The following BSPH1 variants were observed in gnomAD, a reference collection of about 807,000 sequenced individuals.
BSPH1 encodes the protein binder of sperm 1.
In BSPH1, 21 loss-of-function variants were observed where a neutral mutation model predicts 22.5. The ratio of observed to expected loss-of-function variants is 0.93; its 90% confidence interval spans 0.66 to 1.35. BSPH1 has a LOEUF of 1.35. Ranked by LOEUF, BSPH1 falls within the 40% of genes most tolerant of loss-of-function variation. BSPH1 has a pLI of 0.00. For synonymous variants in BSPH1, 42 were observed against 53.6 expected, an observed-to-expected ratio of 0.78 and a Z score of 0.95; for missense variants, 141 against 154.2, an observed-to-expected ratio of 0.91 and a Z score of 0.45.
intron 3 of BSPH1, 35 bp from the exon 4 acceptor site, chr19:47,977,539 T>C: frequency 6.5e-7 from 1 of 1,549,492 alleles, no homozygotes. Context: ...TGTTTCTGGG[T>C]GTGTTAGGAG....
At chr19:47,987,361 C>T (rs1423930420) in intron 1 of BSPH1, among the ~76,000 whole-genome samples, 5 of 151,404 alleles carry the variant, frequency 3.3e-5, no homozygotes, top group East Asian at 1.9e-4. Flanking sequence ...TGTAAGAACA[C>T]GTACTACATG....
chr19:47,991,996 GA>G lies in BSPH1; in HGVS notation c.73+12del. ...TCTACCTTGCATAGGAAGAAATATA[GA>G]AAAAGAAATACTTAAAATAACAGGG... On this transcript the variant is annotated intron_variant, in intron 1 of 5. Coordinates refer to ENST00000344839, the MANE Select transcript of BSPH1 (RefSeq NM_001128326.2). The G allele has an allele frequency of 2.0e-6, 3 of 1,521,504 alleles. No individual in the cohort carries two copies. The highest frequency in any genetic ancestry group is 1.4e-5 in the African/African-American group (1 of 72,458). 94.3% of individuals were successfully genotyped at this position (1,521,504 alleles called of 1,614,324 possible).
chr19:47,976,872 GA>G lies in BSPH1; in HGVS notation c.257-19del. ...TGCAAAATCTGCAGAGGAGGAAGAG[GA>G]AGAAGCAGAGTAAGAAACCTTTCTA... On this transcript the variant is annotated intron_variant, in intron 4 of 5. Coordinates refer to ENST00000344839, the MANE Select transcript of BSPH1 (RefSeq NM_001128326.2). The G allele has an allele frequency of 6.5e-7, 1 of 1,550,352 alleles. No individual in the cohort carries two copies. Among genetic ancestry groups the G allele is most frequent in the Non-Finnish European group, 8.7e-7 (1 of 1,146,448 alleles).
At chr19:47,971,503 G>A (rs1013670721) in intron 5 of BSPH1, among the ~76,000 whole-genome samples, 3 of 152,352 alleles carry the variant, frequency 2.0e-5, no homozygotes, top group Admixed American at 2.0e-4. Flanking sequence ...ACCGCACCCA[G>A]CCTGTATTCT....
At chr19:47,991,916 T>G in intron 1 of BSPH1, 93 bp downstream of exon 1, 1 of 781,536 alleles carries the variant, frequency 1.3e-6, no homozygotes, top group Non-Finnish European at 2.1e-6. Flanking sequence ...CTTTCATCTT[T>G]CATCCCCACC....
intron 5 of BSPH1, among the ~76,000 whole-genome samples, chr19:47,974,149 T>C (rs1024530239): frequency 6.6e-6 from 1 of 152,140 alleles, no homozygotes; most frequent in Non-Finnish European, 1.5e-5. Context: ...CCCTTTGCTT[T>C]CTACTTGGGC....
intron 1 of BSPH1, among the ~76,000 whole-genome samples, chr19:47,986,663 TGA>T (rs1335742331): frequency 6.6e-6 from 1 of 151,994 alleles, no homozygotes; most frequent in African/African-American, 2.4e-5. Context: ...GAGGATCACT[TGA>T]GCCTGGGAGG....
chr19:47,990,106 A>C (rs1969508866), intron 1 of BSPH1, among the ~76,000 whole-genome samples: 1 of 138,564 alleles, frequency 7.2e-6, no homozygotes, highest in African/African-American at 2.8e-5. Flanking sequence ...GTGACAGAGC[A>C]AGACTCCATC....
chr19:47,981,723 T>C (rs1969421936), intron 1 of BSPH1: 3 of 968,536 alleles, frequency 3.1e-6, no homozygotes, highest in African/African-American at 3.5e-5. Flanking sequence ...CCTCCCCAGT[T>C]TGAATATCCT....
At position 47,985,762 on chromosome 19, in the gene BSPH1, G is replaced by A. The variant is rs573302356; in HGVS notation, c.74-4821C>T. Among the ~76,000 whole-genome samples, 5 of 151,740 alleles carry A rather than the reference G, an allele frequency of 3.3e-5. No individual in the cohort carries two copies. The East Asian group carries it at 9.7e-4, about 29-fold the overall frequency. On this transcript the variant is annotated intron_variant, in intron 1 of 5. Transcript: ENST00000344839. Reference sequence around the variant, plus strand: ...AGGCAGGAGAATCACTTGAACCTGGGACGTGGAGGTTGCAGTGAGCTGAGA... The same window carrying A: ...AGGCAGGAGAATCACTTGAACCTGGAACGTGGAGGTTGCAGTGAGCTGAGA...
intron 2 of BSPH1, chr19:47,980,422 A>G: frequency 1.9e-6 from 1 of 518,710 alleles, no homozygotes; most frequent in Non-Finnish European, 2.5e-6. Flanking sequence ...GACATGTTTA[A>G]TCACCCAAAA....
intron 5 of BSPH1, among the ~76,000 whole-genome samples, chr19:47,972,310 T>C (rs962330511): frequency 2.0e-5 from 3 of 151,644 alleles, no homozygotes; most frequent in African/African-American, 4.8e-5. Context: ...ACTTTTAGGT[T>C]CAGGATACAT....
chr19:47,991,609 CCCT>C (rs1966874114), intron 1 of BSPH1, among the ~76,000 whole-genome samples: 1 of 88,412 alleles, frequency 1.1e-5, no homozygotes, highest in Non-Finnish European at 2.4e-5. Flanking sequence ...CTCCTCCTCC[CCCT>C]CTTCCTCCTC....
chr19:47,977,335 G>A, intron 4 of BSPH1, 38 bp downstream of exon 4: 1 of 1,494,744 alleles, frequency 6.7e-7, no homozygotes, highest in Non-Finnish European at 9.1e-7. Context: ...CAGAGACCAA[G>A]ATTACTGCTC....
chr19:47,968,843 C>A (rs1169937712), intron 5 of BSPH1, among the ~76,000 whole-genome samples: 1 of 151,348 alleles, frequency 6.6e-6, no homozygotes, highest in African/African-American at 2.4e-5. Context: ...TACTAAAATA[C>A]AAAAAATTAG....
chr19:47,972,724 AGAGT>A (rs148526193), intron 5 of BSPH1, among the ~76,000 whole-genome samples: 4,671 of 152,142 alleles, frequency 0.031, 228 homozygotes, highest in African/African-American at 0.11. Context: ...TGAGGTGGAG[AGAGT>A]GTTTATTTTA....
At chr19:47,988,523 C>A (rs962785534) in intron 1 of BSPH1, among the ~76,000 whole-genome samples, 8 of 152,062 alleles carry the variant, frequency 5.3e-5, no homozygotes, top group African/African-American at 1.9e-4. Flanking sequence ...ACAGAGGAGG[C>A]GAGAGGAGCC....
chr19:47,988,723 G>T (rs1427674717), intron 1 of BSPH1, among the ~76,000 whole-genome samples: 2 of 151,934 alleles, frequency 1.3e-5, no homozygotes, highest in Non-Finnish European at 2.9e-5. Context: ...AAACCCCAGA[G>T]TTCTGGGTGC....
chr19:47,975,062 TACCTCGTAACAATGGAAG>T (rs1294423208), intron 5 of BSPH1, among the ~76,000 whole-genome samples: 2 of 152,234 alleles, frequency 1.3e-5, no homozygotes, highest in Non-Finnish European at 2.9e-5. Context: ...CATTTTCTTA[TACCTCGTAACAATGGAAG>T]ACCAGTTTCT....
Sources: allele counts gnomAD v4.1 joint callset (sites outside exome capture counted in the v4.1 genomes callset), GRCh38; gene constraint gnomAD v4.1.1; transcripts MANE v1.5; gene names NCBI Gene and HGNC (gene_info 2026-07-23, HGNC 2026-07-21).